The following DMRTC1B variants were observed in gnomAD, a reference collection of about 807,000 sequenced individuals.
DMRTC1B encodes the protein DMRT like family C1B.
intron 1 of DMRTC1B, among the ~76,000 whole-genome samples, chrX:72,840,143 GAAAGAAAGAAAAGAGAAAAAGCAAAGC>G (rs2054726974): frequency 5.5e-5 from 1 of 18,186 alleles, no homozygotes; most frequent in Non-Finnish European, 1.0e-4. Flanking sequence ...AAAAAAAAAA[GAAAGAAAGAAAAGAGAAAAAGCAAAGC>G]AAAGCAAAGA....
At chrX:72,839,238 A>G (rs2054716866) in intron 1 of DMRTC1B, among the ~76,000 whole-genome samples, 2 of 112,455 alleles carry the variant, frequency 1.8e-5, no homozygotes, top group African/African-American at 6.7e-5. Flanking sequence ...TTTCAAAAGG[A>G]TATTATTGGG....
At chrX:72,840,223 CA>C in intron 1 of DMRTC1B, among the ~76,000 whole-genome samples, 1 of 90,531 alleles carries the variant, frequency 1.1e-5, no homozygotes, top group Non-Finnish European at 2.2e-5. Context: ...CAAAGCAAAG[CA>C]AAGCAAAGCA....
intron 1 of DMRTC1B, among the ~76,000 whole-genome samples, chrX:72,820,572 C>T (rs1461768626): frequency 2.1e-5 from 2 of 94,940 alleles, no homozygotes; most frequent in Admixed American, 1.2e-4. Flanking sequence ...GGCTGGAGTG[C>T]AGTGGCGCAA....
chrX:72,802,561 AC>A (rs1412125476), intron 1 of DMRTC1B, among the ~76,000 whole-genome samples: 2 of 83,648 alleles, frequency 2.4e-5, no homozygotes, highest in African/African-American at 6.9e-5. Context: ...CTTCTCAACC[AC>A]CCAGGACTGC....
At chrX:72,804,845 G>A (rs1196416937) in intron 1 of DMRTC1B, among the ~76,000 whole-genome samples, 1 of 99,830 alleles carries the variant, frequency 1.0e-5, no homozygotes, top group African/African-American at 3.6e-5. Context: ...CTGGAGCCGT[G>A]GAATTTCTGA....
chrX:72,820,515 C>CTTTTTT (rs375115289), intron 1 of DMRTC1B, among the ~76,000 whole-genome samples: 1 of 96,006 alleles, frequency 1.0e-5, no homozygotes, highest in African/African-American at 4.2e-5. Flanking sequence ...CGAGATATTT[C>CTTTTTT]TTTTTTTTTT....
At chrX:72,804,361 T>C in intron 1 of DMRTC1B, among the ~76,000 whole-genome samples, 1 of 78,737 alleles carries the variant, frequency 1.3e-5, no homozygotes, top group Non-Finnish European at 3.0e-5. Context: ...GAACCCTGAC[T>C]CCATGAATGT....
chrX:72,839,465 G>A (rs1311164208), intron 1 of DMRTC1B, among the ~76,000 whole-genome samples: 6 of 113,195 alleles, frequency 5.3e-5, no homozygotes, highest in Admixed American at 4.6e-4. Context: ...ATGAGACAAC[G>A]TGAATCTAGG....
At chrX:72,795,690 TTACTC>T (rs1303959586) in intron 1 of DMRTC1B, among the ~76,000 whole-genome samples, 1 of 42,861 alleles carries the variant, frequency 2.3e-5, no homozygotes, top group African/African-American at 7.4e-5. Flanking sequence ...AGCTGTCTCT[TTACTC>T]TACTGATTGT....
At chrX:72,815,736 G>A (rs1437322060) in intron 1 of DMRTC1B, among the ~76,000 whole-genome samples, 1 of 69,514 alleles carries the variant, frequency 1.4e-5, no homozygotes, top group Non-Finnish European at 2.6e-5. Flanking sequence ...GTTATAAACT[G>A]TCAGTTGTCA....
intron 1 of DMRTC1B, chrX:72,807,464 C>A: frequency 2.3e-6 from 1 of 429,834 alleles, no homozygotes; most frequent in Non-Finnish European, 3.6e-6. Flanking sequence ...GGCCCGGTGA[C>A]CGGGACACTG....
At chrX:72,820,522 T>C (rs1411939742) in intron 1 of DMRTC1B, among the ~76,000 whole-genome samples, 8 of 113,412 alleles carry the variant, frequency 7.1e-5, no homozygotes, top group African/African-American at 2.6e-4. Flanking sequence ...TTTCTTTTTT[T>C]TTTTTTTTTT....
At chrX:72,839,531 G>C (rs1186643953) in intron 1 of DMRTC1B, among the ~76,000 whole-genome samples, 1 of 109,470 alleles carries the variant, frequency 9.1e-6, no homozygotes, top group African/African-American at 3.4e-5. Flanking sequence ...AAAATAAAAC[G>C]TTGAGGAAAA....
intron 1 of DMRTC1B, among the ~76,000 whole-genome samples, chrX:72,820,606 C>G (rs1307396564): frequency 1.0e-5 from 1 of 100,347 alleles, no homozygotes; most frequent in Non-Finnish European, 2.0e-5. Flanking sequence ...CAGGCTCCGC[C>G]CCCTGGGGTT....
At chrX:72,807,199 G>A (rs1197653729) in intron 1 of DMRTC1B, among the ~76,000 whole-genome samples, 2 of 68,152 alleles carry the variant, frequency 2.9e-5, no homozygotes, top group East Asian at 9.1e-4. Flanking sequence ...TAAGTGCCCC[G>A]CCAGGGTCAG....
rs1199152111 is a variant in DMRTC1B at position 72,848,475 on chromosome X, T to A, written c.*100T>A. ...GTCCAAAACGCTTAACGTCTTTTTT[T>A]AAAGCCTTCAGGTGTTTTATAAGCT... is the stretch of plus-strand genomic sequence containing the variant. On this transcript the variant is annotated 3_prime_UTR_variant, in exon 7 of 7. Coordinates refer to ENST00000334036, the MANE Select transcript of DMRTC1B (RefSeq NM_001386972.1). 12 of 31,435 alleles carry A rather than the reference T, an allele frequency of 3.8e-4. No homozygotes were observed. Among genetic ancestry groups the A allele is most frequent in the African/African-American group, 9.5e-4 (5 of 5,255 alleles). 2.6% of individuals were successfully genotyped at this position (31,435 alleles called of 1,213,427 possible).
intron 1 of DMRTC1B, among the ~76,000 whole-genome samples, chrX:72,820,348 A>G (rs1348508190): frequency 1.6e-5 from 1 of 61,400 alleles, no homozygotes; most frequent in Non-Finnish European, 3.0e-5. Context: ...TTCTTCAAGG[A>G]ATCAGATTTT....
intron 1 of DMRTC1B, among the ~76,000 whole-genome samples, chrX:72,840,219 AAAGCAAAGCAAAGC>A (rs2054729403): frequency 1.1e-5 from 1 of 94,651 alleles, no homozygotes; most frequent in African/African-American, 3.7e-5. Context: ...AAAGCAAAGC[AAAGCAAAGCAAAGC>A]AAAGCAAAGC....
intron 1 of DMRTC1B, among the ~76,000 whole-genome samples, chrX:72,802,614 A>G (rs2054642575): frequency 1.0e-5 from 1 of 96,530 alleles, no homozygotes; most frequent in Admixed American, 1.2e-4. Flanking sequence ...CCTGGAAGAT[A>G]TTAGAAAGTG....
Sources: allele counts gnomAD v4.1 joint callset (sites outside exome capture counted in the v4.1 genomes callset), GRCh38; gene constraint gnomAD v4.1.1; transcripts MANE v1.5; gene names NCBI Gene and HGNC (gene_info 2026-07-23, HGNC 2026-07-21).